The following SHTN1 variants were observed in gnomAD, a reference collection of about 807,000 sequenced individuals.
SHTN1 encodes the protein shootin-1.
A neutral mutation model predicts 83.1 loss-of-function variants in SHTN1; 42 were observed. The observed-to-expected ratio is 0.51, with a 90% CI of 0.39 to 0.65. The LOEUF (loss-of-function observed/expected upper bound fraction) is 0.65, where lower values mean the gene tolerates loss of function less well. SHTN1 is among the 30% of genes least tolerant of loss of function. The pLI is 0.00. For synonymous variants in SHTN1, 224 were observed against 247.7 expected, an observed-to-expected ratio of 0.90 and a Z score of 0.90; for missense variants, 622 against 737.8, an observed-to-expected ratio of 0.84 and a Z score of 1.82.
chr10:116,945,769 A>G (rs1181365577), intron 7 of SHTN1, among the ~76,000 whole-genome samples: 1 of 152,198 alleles, frequency 6.6e-6, no homozygotes, highest in African/African-American at 2.4e-5. Flanking sequence ...ACCAGATGAC[A>G]TGTCTAACAT....
intron 1 of SHTN1, among the ~76,000 whole-genome samples, chr10:117,081,513 C>G: frequency 7.0e-6 from 1 of 143,196 alleles, no homozygotes. Flanking sequence ...GGTTGTGTCT[C>G]TGCCTGGCTT....
At chr10:116,962,312 T>C (rs1850212533) in intron 3 of SHTN1, among the ~76,000 whole-genome samples, 1 of 152,158 alleles carries the variant, frequency 6.6e-6, no homozygotes, top group Non-Finnish European at 1.5e-5. Flanking sequence ...GTTTAAATAA[T>C]AGGCTCTATT....
chr10:116,886,819 C>A (rs774710745), intron 16 of SHTN1, among the ~76,000 whole-genome samples: 43 of 152,198 alleles, frequency 2.8e-4, no homozygotes, highest in Non-Finnish European at 1.5e-4. Flanking sequence ...TGTTAAAAAG[C>A]CAAATGCACC....
chr10:116,949,019 G>C (rs377137190), intron 6 of SHTN1, 22 bp from the exon 7 acceptor site: 89 of 1,505,406 alleles, frequency 5.9e-5, no homozygotes, highest in Non-Finnish European at 7.5e-5. Flanking sequence ...AAATTTTGAG[G>C]GGAGAAAACA....
At chr10:117,110,445 G>T (rs111828069) in intron 1 of SHTN1, among the ~76,000 whole-genome samples, 2 of 152,028 alleles carry the variant, frequency 1.3e-5, no homozygotes, top group Non-Finnish European at 2.9e-5. Flanking sequence ...TCTGCCTCCC[G>T]GGTTTGAGAA....
intron 12 of SHTN1, among the ~76,000 whole-genome samples, chr10:116,919,045 T>C (rs1044457799): frequency 4.6e-5 from 7 of 152,198 alleles, no homozygotes; most frequent in African/African-American, 1.7e-4. Context: ...TAATAAACTC[T>C]GAATACCTTA....
chr10:117,081,203 T>C (rs1218814969), intron 1 of SHTN1, among the ~76,000 whole-genome samples: 53 of 151,350 alleles, frequency 3.5e-4, no homozygotes, highest in South Asian at 8.4e-4. Flanking sequence ...TTTTGAAATA[T>C]GTCCCATCAA....
chr10:116,961,353 G>T (rs1227798515), intron 3 of SHTN1, among the ~76,000 whole-genome samples: 1 of 151,990 alleles, frequency 6.6e-6, no homozygotes, highest in Non-Finnish European at 1.5e-5. Flanking sequence ...TCATAAAGCA[G>T]CACTAAATGG....
At chr10:116,968,566 T>C (rs1850484117) in intron 3 of SHTN1, 86 bp downstream of exon 3, 2 of 915,418 alleles carry the variant, frequency 2.2e-6, no homozygotes, top group South Asian at 1.6e-5. Context: ...ACCAGGACAT[T>C]AGCAACTCAA....
intron 14 of SHTN1, chr10:116,911,388 G>A: frequency 7.2e-7 from 1 of 1,391,592 alleles, no homozygotes; most frequent in Non-Finnish European, 9.6e-7. Flanking sequence ...TATTTGGGGA[G>A]GAATTTAGCT....
chr10:116,888,932 G>A (rs543740312), intron 16 of SHTN1, among the ~76,000 whole-genome samples: 40 of 152,376 alleles, frequency 2.6e-4, no homozygotes, highest in Middle Eastern at 6.8e-3. Flanking sequence ...AGGTTCCAGG[G>A]AAAGTCCCAT....
chr10:117,107,061 A>G (rs1853679754), intron 1 of SHTN1, among the ~76,000 whole-genome samples: 1 of 152,198 alleles, frequency 6.6e-6, no homozygotes. Context: ...AAAAACCTCC[A>G]CTTATATTCC....
At chr10:116,907,816 A>C (rs1848032587) in intron 14 of SHTN1, 1 of 496,256 alleles carries the variant, frequency 2.0e-6, no homozygotes, top group African/African-American at 1.9e-5. Flanking sequence ...CAGAGTCAAA[A>C]GACAGCTTTT....
intron 9 of SHTN1, among the ~76,000 whole-genome samples, chr10:116,934,443 G>A (rs548986533): frequency 1.3e-5 from 2 of 152,282 alleles, no homozygotes; most frequent in African/African-American, 2.4e-5. Context: ...TCCATTGCTT[G>A]TTTTTGTCAG....
chr10:116,979,383 A>AC (rs1372686807), intron 1 of SHTN1, 75 bp from the exon 2 acceptor site: 2 of 1,146,584 alleles, frequency 1.7e-6, no homozygotes, highest in Non-Finnish European at 2.6e-6. Context: ...AATCCAACTA[A>AC]CCCCCATAGT....
chr10:117,007,554 CAAAA>C (rs35941784), upstream of SHTN1, among the ~76,000 whole-genome samples: 1 of 16,372 alleles, frequency 6.1e-5, no homozygotes, highest in Non-Finnish European at 1.2e-4. Flanking sequence ...GACTCCATCT[CAAAA>C]AAAAAAAAAA....
intron 7 of SHTN1, 117 bp from the exon 8 acceptor site, chr10:116,945,135 C>T: frequency 1.5e-6 from 1 of 684,762 alleles, no homozygotes; most frequent in Non-Finnish European, 2.5e-6. Flanking sequence ...TACCCTCATG[C>T]ATTCCTGGTT....
intron 1 of SHTN1, among the ~76,000 whole-genome samples, chr10:117,064,977 G>A (rs1403684743): frequency 6.6e-6 from 1 of 152,092 alleles, no homozygotes; most frequent in Non-Finnish European, 1.5e-5. Context: ...CTTCTTTTTG[G>A]TTCTGCTGAT....
Position 117,004,317 on chromosome 10 carries a change from A to G in SHTN1, c.58+705T>C, listed in dbSNP as rs889960432. On this transcript the variant is annotated intron_variant, in intron 1 of 16. Coordinates refer to ENST00000355371, the MANE Select transcript of SHTN1 (RefSeq NM_001127211.3). Reference sequence around the variant, plus strand: ...GGTTCAGAAGTGTGGTAACTGATGAAAAAAATGATTGACTGAAGCAGGTCT... The same window carrying G: ...GGTTCAGAAGTGTGGTAACTGATGAGAAAAATGATTGACTGAAGCAGGTCT... Among the ~76,000 whole-genome samples, 17 of 152,096 alleles carry G rather than the reference A, an allele frequency of 1.1e-4. 1 individual carries two copies. The highest frequency in any genetic ancestry group is 1.0e-3 in the Admixed American group (16 of 15,258).
Sources: gnomAD v4.1 joint callset for allele counts (sites outside exome capture counted in the v4.1 genomes callset) on GRCh38, gnomAD v4.1.1 for gene constraint, MANE v1.5 for transcripts, NCBI Gene and HGNC (gene_info 2026-07-23, HGNC 2026-07-21) for gene names.